The following ANKFN1 variants were observed in gnomAD, a reference collection of about 807,000 sequenced individuals.
ANKFN1 encodes ankyrin repeat and fibronectin type III domain containing 1.
Under a neutral mutation model 108.7 loss-of-function variants are expected in ANKFN1, and 74 were observed. The observed-to-expected ratio is 0.68, with a 90% CI of 0.56 to 0.83. The LOEUF is 0.83. Ranked by LOEUF, ANKFN1 falls within the 40% of genes least tolerant of loss-of-function variation. The probability of loss-of-function intolerance (pLI) is 0.00; values close to 1 mark genes in which losing one functional copy is unlikely to be tolerated. For synonymous variants in ANKFN1, 547 were observed against 516.2 expected, an observed-to-expected ratio of 1.06 and a Z score of -0.81; for missense variants, 1,505 against 1,382.3, an observed-to-expected ratio of 1.09 and a Z score of -1.41.
intron 4 of ANKFN1, among the ~76,000 whole-genome samples, chr17:56,332,402 C>T (rs2045689632): frequency 6.6e-6 from 1 of 152,102 alleles, no homozygotes; most frequent in African/African-American, 2.4e-5. Flanking sequence ...TTGTTCTAAA[C>T]ATTTTATAGT....
At chr17:56,460,457 T>TAAAATAAAAC (rs1186244106) in intron 14 of ANKFN1, among the ~76,000 whole-genome samples, 9 of 151,706 alleles carry the variant, frequency 5.9e-5, no homozygotes, top group African/African-American at 2.2e-4. Context: ...TGTCTAAAAA[T>TAAAATAAAAC]AAAATAAAAT....
At chr17:56,372,512 C>A in intron 6 of ANKFN1, 134 bp from the exon 7 acceptor site, 1 of 770,842 alleles carries the variant, frequency 1.3e-6, no homozygotes, top group Non-Finnish European at 2.1e-6. Context: ...TACTTGATAA[C>A]AAACACAGAT....
At chr17:56,059,591 A>G (rs1904939281) in intron 4 of ANKFN1, among the ~76,000 whole-genome samples, 1 of 152,000 alleles carries the variant, frequency 6.6e-6, no homozygotes, top group South Asian at 2.1e-4. Context: ...TCTTTATTCC[A>G]TCTTGAGTTA....
At chr17:56,204,907 C>CGG (rs1245900500) in intron 1 of ANKFN1, among the ~76,000 whole-genome samples, 3 of 152,012 alleles carry the variant, frequency 2.0e-5, no homozygotes, top group Non-Finnish European at 4.4e-5. Context: ...AACCCCGTCT[C>CGG]TACTAAAAAC....
At chr17:56,444,129 T>C (rs750847538) in intron 10 of ANKFN1, among the ~76,000 whole-genome samples, 8 of 152,164 alleles carry the variant, frequency 5.3e-5, no homozygotes, top group Non-Finnish European at 1.2e-4. Context: ...CAGTATTAAT[T>C]TAGTATTAAA....
chr17:56,288,460 CTT>C (rs1445732442), intron 3 of ANKFN1, among the ~76,000 whole-genome samples: 1 of 151,620 alleles, frequency 6.6e-6, no homozygotes, highest in East Asian at 1.9e-4. Context: ...GTGAATGTCT[CTT>C]TATTTTTTTG....
At chr17:56,129,174 G>T (rs556244323) in intron 4 of ANKFN1, among the ~76,000 whole-genome samples, 41 of 152,194 alleles carry the variant, frequency 2.7e-4, no homozygotes, top group Non-Finnish European at 4.0e-4. Context: ...GCATCATGTG[G>T]CTTCCTATAA....
At chr17:56,049,222 G>A (rs1463472674) in intron 4 of ANKFN1, among the ~76,000 whole-genome samples, 3 of 152,252 alleles carry the variant, frequency 2.0e-5, no homozygotes, top group African/African-American at 7.2e-5. Context: ...AATTGCTTCA[G>A]TGATTATCTC....
intron 3 of ANKFN1, among the ~76,000 whole-genome samples, chr17:56,229,194 G>A (rs1916517527): frequency 6.6e-6 from 1 of 152,074 alleles, no homozygotes; most frequent in South Asian, 2.1e-4. Flanking sequence ...TAAAATGTCA[G>A]TCTCTGTATT....
rs141476658 is a variant in ANKFN1, at chr17:56,161,088, C to G, written c.-71+7558C>G. On this transcript the variant is annotated intron_variant, in intron 1 of 20. Coordinates refer to ENST00000682825, the MANE Select transcript of ANKFN1 (RefSeq NM_001370326.1). ...GCCACTTTAAGAACTATAAAGGTTG[C>G]TGGAGAGTTTCCTAGTCTCATTCAA... 1.6e-3 allele frequency among the ~76,000 whole-genome samples: 239 copies of G among 152,288 alleles called. 2 individuals are homozygous for G. Among genetic ancestry groups the G allele is most frequent in the African/African-American group, 5.7e-3 (236 of 41,574 alleles).
In ANKFN1 at chr17:56,499,087, A is replaced by G; in HGVS notation, c.2633A>G (p.Lys878Arg). 6.5e-7 allele frequency: 1 copy of G among 1,535,490 alleles called. No homozygotes were observed. The highest frequency in any genetic ancestry group is 1.4e-5 in the African/African-American group (1 of 73,120). Residue 878 changes from lysine to arginine, a missense_variant, in exon 20 of 21, where the codon AAG becomes AGG. Physicochemically the swap from Lys to Arg is conservative, Grantham distance 26. Coordinates refer to ENST00000682825, the MANE Select transcript of ANKFN1 (RefSeq NM_001370326.1). ...CCATCCCCAGAGATGCACAGAAGAA[A>G]GACAGTGAGTGGTAAGCAATGAGAT... ...PPPSPEMHRR[K>R]TVSDSQPCSD...
intron 8 of ANKFN1, among the ~76,000 whole-genome samples, chr17:56,435,337 T>C (rs924926247): frequency 7.9e-5 from 12 of 152,198 alleles, no homozygotes; most frequent in African/African-American, 2.9e-4. Flanking sequence ...AAGGAGCTTA[T>C]AGACTACAGA....
At chr17:56,426,438 A>G (rs2048570268) in intron 8 of ANKFN1, among the ~76,000 whole-genome samples, 1 of 152,246 alleles carries the variant, frequency 6.6e-6, no homozygotes, top group Non-Finnish European at 1.5e-5. Context: ...TCATGGACCA[A>G]AGTAAAAGGC....
Position 56,112,998 on chromosome 17 carries a change from G to C in ANKFN1, c.288+66673G>C, listed in dbSNP as rs148267220. On this transcript the variant is annotated intron_variant, in intron 4 of 12. Coordinates refer to the ANKFN1 transcript ENST00000635860. ...ATTTCTGTAGGATGAATTTCCCAAA[G>C]AGCAATTAACTGAGCTAAATCGTAT... Among the ~76,000 whole-genome samples the C allele has an allele frequency of 3.3e-5, 5 of 152,302 alleles. No homozygotes were observed. In the East Asian group the frequency reaches 9.6e-4, roughly 29 times the overall value.
intron 2 of ANKFN1, among the ~76,000 whole-genome samples, chr17:56,214,959 C>T (rs997681298): frequency 2.0e-5 from 3 of 152,322 alleles, no homozygotes; most frequent in East Asian, 3.9e-4. Context: ...GCTTTTGGGG[C>T]AGTAACCCTT....
rs182726237 is a variant in ANKFN1 at position 56,210,127 on chromosome 17, C to T, written c.-70-2471C>T. ...ATAGATAATGTATGCATCACATTTT[C>T]TTTATCCACTTGTTGACTGATGGAC... On this transcript the variant is annotated intron_variant, in intron 1 of 20. Coordinates refer to ENST00000682825, the MANE Select transcript of ANKFN1 (RefSeq NM_001370326.1). Among the ~76,000 whole-genome samples, 274 of 151,720 alleles carry T rather than the reference C, an allele frequency of 1.8e-3. 2 individuals carry two copies. The highest frequency in any genetic ancestry group is 3.2e-3 in the Non-Finnish European group (219 of 67,894).
intron 3 of ANKFN1, among the ~76,000 whole-genome samples, chr17:56,279,312 T>C (rs2044011860): frequency 6.6e-6 from 1 of 152,248 alleles, no homozygotes; most frequent in Admixed American, 6.5e-5. Flanking sequence ...TAAATGTTCA[T>C]GCTGAGCAAT....
intron 1 of ANKFN1, among the ~76,000 whole-genome samples, chr17:56,169,839 G>T (rs1338398901): frequency 6.6e-6 from 1 of 152,126 alleles, no homozygotes; most frequent in Non-Finnish European, 1.5e-5. Flanking sequence ...AGGTGCTCCT[G>T]CTGGGGAGGC....
At chr17:56,236,837 C>T (rs1226847319) in intron 3 of ANKFN1, among the ~76,000 whole-genome samples, 4 of 152,080 alleles carry the variant, frequency 2.6e-5, no homozygotes, top group African/African-American at 9.7e-5. Context: ...AGAGGGCATC[C>T]TTGACTTGTG....
Sources: allele counts gnomAD v4.1 joint callset (sites outside exome capture counted in the v4.1 genomes callset), GRCh38; gene constraint gnomAD v4.1.1; transcripts MANE v1.5; gene names NCBI Gene and HGNC (gene_info 2026-07-23, HGNC 2026-07-21).